The following CNTNAP5 variants were observed in gnomAD, a reference collection of about 807,000 sequenced individuals.
CNTNAP5 encodes the protein contactin-associated protein-like 5.
A neutral mutation model predicts 150.2 loss-of-function variants in CNTNAP5; 72 were observed. The ratio of observed to expected loss-of-function variants is 0.48; its 90% CI spans 0.40 to 0.58. The LOEUF is 0.58. Ranked by LOEUF, CNTNAP5 falls within the 20% of genes least tolerant of loss-of-function variation. The pLI is 0.00. For synonymous variants in CNTNAP5, 672 were observed against 619.8 expected (o/e 1.08, Z -1.25); for missense variants, 1,636 against 1,626.2 (o/e 1.01, Z -0.10).
chr2:124,311,520 C>T (rs1688831421), intron 3 of CNTNAP5, among the ~76,000 whole-genome samples: 1 of 152,186 alleles, frequency 6.6e-6, no homozygotes, highest in African/African-American at 2.4e-5. Flanking sequence ...ACCAATCCTA[C>T]TAGGTCTCCA....
chr2:124,201,986 A>G (rs999336423), intron 1 of CNTNAP5, among the ~76,000 whole-genome samples: 2 of 152,090 alleles, frequency 1.3e-5, no homozygotes, highest in African/African-American at 4.8e-5. Context: ...TGTTTGCGTA[A>G]TCAAAATCTG....
chr2:124,366,966 G>C (rs184545522), intron 3 of CNTNAP5, among the ~76,000 whole-genome samples: 1 of 152,174 alleles, frequency 6.6e-6, no homozygotes, highest in African/African-American at 2.4e-5. Flanking sequence ...CTGAGCCTCA[G>C]TCTGGAGGGG....
chr2:124,238,676 G>C (rs1686810467), intron 2 of CNTNAP5, among the ~76,000 whole-genome samples: 1 of 152,122 alleles, frequency 6.6e-6, no homozygotes, highest in African/African-American at 2.4e-5. Flanking sequence ...CAAAATTACA[G>C]ACAGCATTGC....
At chr2:124,467,361 G>A (rs1017424095) in intron 6 of CNTNAP5, among the ~76,000 whole-genome samples, 2 of 152,110 alleles carry the variant, frequency 1.3e-5, no homozygotes, top group Non-Finnish European at 2.9e-5. Flanking sequence ...CCAATCAGAA[G>A]CCAGCAGAAC....
chr2:124,711,346 C>A (rs1679803762), intron 13 of CNTNAP5, among the ~76,000 whole-genome samples: 1 of 151,728 alleles, frequency 6.6e-6, no homozygotes. Flanking sequence ...GGAATGGCAC[C>A]CACACACACT....
chr2:124,381,666 C>T (rs1001002389), intron 3 of CNTNAP5, among the ~76,000 whole-genome samples: 2 of 152,188 alleles, frequency 1.3e-5, no homozygotes, highest in South Asian at 2.1e-4. Flanking sequence ...CTTTGCTTGA[C>T]TACTACAAAG....
chr2:124,453,913 C>T (rs1055521653), intron 6 of CNTNAP5, among the ~76,000 whole-genome samples: 1 of 151,310 alleles, frequency 6.6e-6, no homozygotes, highest in Non-Finnish European at 1.5e-5. Flanking sequence ...CCTGGAAACA[C>T]ATAAAAAAAA....
At chr2:124,868,449 C>T (rs1265249383) in intron 20 of CNTNAP5, among the ~76,000 whole-genome samples, 3 of 152,120 alleles carry the variant, frequency 2.0e-5, no homozygotes, top group Non-Finnish European at 4.4e-5. Flanking sequence ...TATATATACT[C>T]ATGTCCAGTT....
At chr2:124,640,175 A>G (rs549380508) in intron 12 of CNTNAP5, among the ~76,000 whole-genome samples, 1 of 152,214 alleles carries the variant, frequency 6.6e-6, no homozygotes, top group Non-Finnish European at 1.5e-5. Context: ...GTGCACATAG[A>G]ATCCGTTCCA....
chr2:124,200,395 C>T (rs115279561), intron 1 of CNTNAP5, among the ~76,000 whole-genome samples: 3,065 of 152,136 alleles, frequency 0.02, 108 homozygotes, highest in African/African-American at 0.068. Flanking sequence ...TTTCTCAAAA[C>T]ATTTCCCTTT....
At chr2:124,300,459 G>T (rs1156668573) in intron 3 of CNTNAP5, among the ~76,000 whole-genome samples, 1 of 152,174 alleles carries the variant, frequency 6.6e-6, no homozygotes. Flanking sequence ...AATGAGTCAC[G>T]TGAAGATAGG....
chr2:124,098,169 T>C (rs993379779), intron 1 of CNTNAP5, among the ~76,000 whole-genome samples: 4 of 152,240 alleles, frequency 2.6e-5, no homozygotes, highest in Non-Finnish European at 5.9e-5. Flanking sequence ...GTGTTATATG[T>C]ATTATTTGCT....
intron 12 of CNTNAP5, among the ~76,000 whole-genome samples, chr2:124,626,474 G>A (rs574597959): frequency 1.3e-5 from 2 of 152,228 alleles, no homozygotes; most frequent in South Asian, 4.1e-4. Flanking sequence ...TGCACTGAGT[G>A]GGTGTACCTC....
intron 23 of CNTNAP5, 51 bp downstream of exon 23, chr2:124,911,589 T>C: frequency 7.1e-7 from 1 of 1,415,678 alleles, no homozygotes; most frequent in Admixed American, 2.0e-5. Flanking sequence ...GATCCTGTAT[T>C]CTGGAGAAAG....
intron 1 of CNTNAP5, among the ~76,000 whole-genome samples, chr2:124,141,992 A>T (rs1428225763): frequency 1.4e-5 from 2 of 144,524 alleles, no homozygotes; most frequent in African/African-American, 5.2e-5. Flanking sequence ...TTGCAATCCT[A>T]GTCTCTGATA....
intron 21 of CNTNAP5, among the ~76,000 whole-genome samples, chr2:124,886,794 C>T (rs1015228461): frequency 3.9e-5 from 6 of 152,008 alleles, no homozygotes; most frequent in South Asian, 2.1e-4. Flanking sequence ...CTTACCTCAC[C>T]GGGAGGCATA....
At chr2:124,163,280 A>T (rs1684728300) in intron 1 of CNTNAP5, among the ~76,000 whole-genome samples, 1 of 152,114 alleles carries the variant, frequency 6.6e-6, no homozygotes, top group African/African-American at 2.4e-5. Flanking sequence ...CACCCCACCA[A>T]CATTGCAATG....
At chr2:124,263,012 G>T (rs1201065847) in intron 3 of CNTNAP5, among the ~76,000 whole-genome samples, 1 of 152,084 alleles carries the variant, frequency 6.6e-6, no homozygotes, top group Non-Finnish European at 1.5e-5. Flanking sequence ...GTATTCCATG[G>T]TGTATATGTG....
At chr2:124,434,746 TCA>T (rs1692485856) in intron 5 of CNTNAP5, 59 bp downstream of exon 5, 1 of 1,419,204 alleles carries the variant, frequency 7.0e-7, no homozygotes, top group Admixed American at 2.0e-5. Flanking sequence ...ACTCCACAGC[TCA>T]CAGTGTCTGA....
Sources: gnomAD v4.1 joint callset for allele counts (sites outside exome capture counted in the v4.1 genomes callset) on GRCh38, gnomAD v4.1.1 for gene constraint, MANE v1.5 for transcripts, NCBI Gene and HGNC (gene_info 2026-07-23, HGNC 2026-07-21) for gene names.